Variants in SLC35F2 observed in about 807,000 individuals in gnomAD.
SLC35F2 encodes the protein solute carrier family 35 member F2.
In SLC35F2, 25 loss-of-function variants were observed where a neutral mutation model predicts 38.1. The ratio of observed to expected loss-of-function variants is 0.66; its 90% confidence interval spans 0.48 to 0.92. The LOEUF is 0.92. Ranked by LOEUF, SLC35F2 falls within the 40% of genes least tolerant of loss-of-function variation. SLC35F2 has a pLI of 0.00. For synonymous variants in SLC35F2, 173 were observed against 181.7 expected (o/e 0.95, Z 0.38); for missense variants, 409 against 452.9 (o/e 0.90, Z 0.88).
At position 107,815,301 on chromosome 11, in the gene SLC35F2, G is replaced by T. The variant is rs1859550737; in HGVS notation, c.286+489C>A. ...CCAGTGGCTCACACCTGAAATCCTA[G>T]CACTTTGGGAGGCTGAGGTGGGCAG... On this transcript the variant is annotated intron_variant, in intron 2 of 7. Coordinates refer to ENST00000525815, the MANE Select transcript of SLC35F2 (RefSeq NM_017515.5). Among the ~76,000 whole-genome samples the T allele has an allele frequency of 1.3e-5, 2 of 151,228 alleles. 1 individual carries two copies. The highest frequency in any genetic ancestry group is 4.2e-4 in the South Asian group (2 of 4,778).
intron 4 of SLC35F2, among the ~76,000 whole-genome samples, chr11:107,806,202 A>G (rs1859387099): frequency 6.6e-6 from 1 of 152,248 alleles, no homozygotes; most frequent in African/African-American, 2.4e-5. Context: ...TATATATCAT[A>G]ATGTAAGGCC....
In SLC35F2 at chr11:107,792,808, G is replaced by T. The variant is rs1194467830; in HGVS notation, c.940-8C>A. On this transcript the variant is annotated splice_region_variant and splice_polypyrimidine_tract_variant and intron_variant, in intron 7 of 7. Coordinates refer to ENST00000525815, the MANE Select transcript of SLC35F2 (RefSeq NM_017515.5). The stretch of plus-strand genomic sequence containing the variant: ...GATGTAGAGTCCTGAAAACTAGAAG[G>T]GAAGAACAGGCAGTGAATTGTGCCC... 1.9e-6 allele frequency: 3 copies of T among 1,550,322 alleles called. No homozygotes were observed.
intron 1 of SLC35F2, among the ~76,000 whole-genome samples, chr11:107,850,418 T>A (rs1860161054): frequency 6.6e-6 from 1 of 152,120 alleles, no homozygotes; most frequent in Non-Finnish European, 1.5e-5. Flanking sequence ...CATTTGGCAA[T>A]GTCTGGAGAC....
intron 1 of SLC35F2, among the ~76,000 whole-genome samples, chr11:107,832,080 A>G (rs1455788159): frequency 6.6e-6 from 1 of 152,026 alleles, no homozygotes; most frequent in Non-Finnish European, 1.5e-5. Flanking sequence ...GTTATACTGC[A>G]TTTCTTAGAC....
intron 7 of SLC35F2, among the ~76,000 whole-genome samples, chr11:107,794,136 A>C (rs1283664236): frequency 8.7e-5 from 13 of 149,424 alleles, no homozygotes; most frequent in Non-Finnish European, 1.6e-4. Flanking sequence ...GCTGGAGTGC[A>C]ATGGCGCAAT....
intron 2 of SLC35F2, among the ~76,000 whole-genome samples, chr11:107,813,192 C>A (rs1257391510): frequency 6.6e-6 from 1 of 152,144 alleles, no homozygotes; most frequent in Non-Finnish European, 1.5e-5. Context: ...CACCTGTAAT[C>A]CCAGCACATT....
intron 1 of SLC35F2, among the ~76,000 whole-genome samples, chr11:107,845,514 C>T (rs1860092244): frequency 6.6e-6 from 1 of 151,810 alleles, no homozygotes; most frequent in South Asian, 2.1e-4. Flanking sequence ...AAGTGAGACC[C>T]CATCTCCAAA....
chr11:107,805,770 G>A (rs1392888659), intron 4 of SLC35F2: 14 of 543,120 alleles, frequency 2.6e-5, no homozygotes, highest in African/African-American at 1.3e-4. Context: ...CTACACCTCC[G>A]GGTTCAAGTG....
intron 7 of SLC35F2, among the ~76,000 whole-genome samples, chr11:107,797,314 T>A (rs1467407132): frequency 6.7e-6 from 1 of 149,428 alleles, no homozygotes; most frequent in Non-Finnish European, 1.5e-5. Flanking sequence ...CAGAATGGGC[T>A]AGGGAAGGAG....
Position 107,790,999 on chromosome 11 carries a change from C to T in SLC35F2, c.*1616G>A, listed in dbSNP as rs1238062023. Reference sequence around the variant, plus strand: ...AGAAACCACACAGTTGATGTATTTCCATGAATTCAAAGCCTTTTAATGATG... The same window carrying T: ...AGAAACCACACAGTTGATGTATTTCTATGAATTCAAAGCCTTTTAATGATG... On this transcript the variant is annotated 3_prime_UTR_variant, in exon 8 of 8. Coordinates refer to ENST00000525815, the MANE Select transcript of SLC35F2 (RefSeq NM_017515.5). 6.6e-6 allele frequency: 1 copy of T among 152,600 alleles called. No homozygotes were observed. Among genetic ancestry groups the T allele is most frequent in the Non-Finnish European group, 1.5e-5 (1 of 68,040 alleles). The allele number at this position is 152,600 out of a possible 1,614,324, so 9.5% of individuals were successfully genotyped here.
In SLC35F2 at chr11:107,800,185, G is replaced by A. The variant is rs139072935; in HGVS notation, c.939+2816C>T. Reference sequence around the variant, plus strand: ...TTACAGGTATGAGCCACTGCGCCCGGCCTGGCTTTTTTTTAATGATGTTAC... The same window carrying A: ...TTACAGGTATGAGCCACTGCGCCCGACCTGGCTTTTTTTTAATGATGTTAC... On this transcript the variant is annotated intron_variant, in intron 7 of 7. Transcript: ENST00000525815. 6.5e-3 allele frequency among the ~76,000 whole-genome samples: 988 copies of A among 152,128 alleles called. 6 individuals carry two copies. The highest frequency in any genetic ancestry group is 0.022 in the African/African-American group (933 of 41,496).
intron 1 of SLC35F2, among the ~76,000 whole-genome samples, chr11:107,837,282 T>C (rs1365870876): frequency 6.6e-6 from 1 of 152,216 alleles, no homozygotes. Context: ...TGTATCATTC[T>C]GGCAGCATTT....
intron 7 of SLC35F2, among the ~76,000 whole-genome samples, chr11:107,800,370 T>C (rs1452028432): frequency 6.6e-6 from 1 of 152,168 alleles, no homozygotes; most frequent in Admixed American, 6.6e-5. Context: ...AATGTATCAG[T>C]AATTCAGCTA....
intron 1 of SLC35F2, among the ~76,000 whole-genome samples, chr11:107,847,229 T>C (rs543031090): frequency 1.1e-4 from 16 of 152,282 alleles, no homozygotes; most frequent in African/African-American, 2.6e-4. Context: ...TTTTATTTTT[T>C]TGTAGAGACA....
rs1373117578 is a variant in SLC35F2, at chr11:107,791,164, C to T, written c.*1451G>A. ...TATTGAAGAAGTATCATAAAAATCA[C>T]AGGGCATTACAGATTTTTGATAAGA... On this transcript the variant is annotated 3_prime_UTR_variant, in exon 8 of 8. Coordinates refer to ENST00000525815, the MANE Select transcript of SLC35F2 (RefSeq NM_017515.5). 1 of 145,952 alleles carries T rather than the reference C, an allele frequency of 6.9e-6. No homozygotes were observed. Among genetic ancestry groups the T allele is most frequent in the African/African-American group, 2.8e-5 (1 of 35,112 alleles). The allele number at this position is 145,952 out of a possible 1,614,324, so 9.0% of individuals were successfully genotyped here.
intron 1 of SLC35F2, among the ~76,000 whole-genome samples, chr11:107,842,887 G>T (rs978234907): frequency 6.6e-6 from 1 of 152,070 alleles, no homozygotes; most frequent in Non-Finnish European, 1.5e-5. Flanking sequence ...GTATACAATA[G>T]CAAAAAACCC....
chr11:107,792,921 C>T (rs1565425291), intron 7 of SLC35F2, 121 bp from the exon 8 acceptor site: 10 of 1,351,190 alleles, frequency 7.4e-6, no homozygotes, highest in Non-Finnish European at 7.6e-6. Flanking sequence ...TTCTTTCTTT[C>T]TTTCTTTCTT....
chr11:107,856,905 A>G (rs111826243), intron 1 of SLC35F2, among the ~76,000 whole-genome samples: 170 of 77,802 alleles, frequency 2.2e-3, no homozygotes, highest in Non-Finnish European at 1.7e-3. Flanking sequence ...GGAAGGAAGG[A>G]AGGGAGGGAG....
chr11:107,802,644 G>A (rs1158439380), intron 7 of SLC35F2, among the ~76,000 whole-genome samples: 1 of 152,222 alleles, frequency 6.6e-6, no homozygotes, highest in Non-Finnish European at 1.5e-5. Context: ...CAAAAAGAAT[G>A]AATGGAAAAG....
Sources: gnomAD v4.1 joint callset for allele counts (sites outside exome capture counted in the v4.1 genomes callset) on GRCh38, gnomAD v4.1.1 for gene constraint, MANE v1.5 for transcripts, NCBI Gene and HGNC (gene_info 2026-07-23, HGNC 2026-07-21) for gene names.